The following IMMP2L variants were observed in gnomAD, a reference collection of about 807,000 sequenced individuals.
The protein encoded by IMMP2L is mitochondrial inner membrane protease subunit 2.
IMMP2L carries 18 observed loss-of-function variants against 19.3 expected under a neutral mutation model. The observed-to-expected ratio is 0.93, with a 90% confidence interval of 0.64 to 1.38. IMMP2L has a LOEUF of 1.38. Ranked by LOEUF, IMMP2L falls within the 40% of genes most tolerant of loss-of-function variation. IMMP2L has a pLI of 0.00. For synonymous variants in IMMP2L, 76 were observed against 73.0 expected, an observed-to-expected ratio of 1.04 and a Z score of -0.21; for missense variants, 233 against 218.2, an observed-to-expected ratio of 1.07 and a Z score of -0.43.
At chr7:110,772,983 T>C (rs1467962631) in intron 5 of IMMP2L, among the ~76,000 whole-genome samples, 1 of 152,018 alleles carries the variant, frequency 6.6e-6, no homozygotes, top group Non-Finnish European at 1.5e-5. Flanking sequence ...TTCAAATGTA[T>C]ACTACCCTTA....
At position 111,419,224 on chromosome 7, in the gene IMMP2L, A is replaced by T. The variant is rs554465712; in HGVS notation, c.239+68014T>A. Among the ~76,000 whole-genome samples the T allele has an allele frequency of 3.8e-4, 58 of 152,004 alleles. 3 individuals carry two copies. Among genetic ancestry groups the T allele is most frequent in the African/African-American group, 1.3e-3 (53 of 41,310 alleles). ...ACTAAAAAATTTTGAATTATTAATTAAAAATGGGAAGTTTTATTAAATACA... is the reference window on the plus strand; with the variant it reads ...ACTAAAAAATTTTGAATTATTAATTTAAAATGGGAAGTTTTATTAAATACA... On this transcript the variant is annotated intron_variant, in intron 3 of 5. Coordinates refer to ENST00000405709, the MANE Select transcript of IMMP2L (RefSeq NM_032549.4).
At chr7:111,358,699 A>C (rs1828966984) in intron 3 of IMMP2L, among the ~76,000 whole-genome samples, 2 of 152,162 alleles carry the variant, frequency 1.3e-5, no homozygotes, top group South Asian at 4.1e-4. Context: ...CACTAAAAGT[A>C]AAGTCTTCCC....
At chr7:110,882,579 C>T (rs1809797063) in intron 5 of IMMP2L, among the ~76,000 whole-genome samples, 1 of 151,976 alleles carries the variant, frequency 6.6e-6, no homozygotes, top group South Asian at 2.1e-4. Flanking sequence ...CAGGATTTCA[C>T]CATGTTGGTC....
At chr7:111,410,123 C>G (rs1183192744) in intron 3 of IMMP2L, among the ~76,000 whole-genome samples, 2 of 151,666 alleles carry the variant, frequency 1.3e-5, no homozygotes, top group African/African-American at 4.9e-5. Flanking sequence ...CTCCAAGCAG[C>G]CAAGTGAAAA....
chr7:111,462,344 G>T (rs1256330537), intron 3 of IMMP2L, among the ~76,000 whole-genome samples: 1 of 151,934 alleles, frequency 6.6e-6, no homozygotes, highest in Admixed American at 6.6e-5. Flanking sequence ...ACACAGCTTT[G>T]TGCCCAATGG....
At chr7:111,475,589 T>C (rs932170277) in intron 3 of IMMP2L, among the ~76,000 whole-genome samples, 2 of 152,062 alleles carry the variant, frequency 1.3e-5, no homozygotes, top group African/African-American at 2.4e-5. Context: ...TGTTTACCAG[T>C]GGGAAACACA....
At chr7:111,445,565 A>C (rs894790167) in intron 3 of IMMP2L, among the ~76,000 whole-genome samples, 6 of 152,182 alleles carry the variant, frequency 3.9e-5, no homozygotes, top group African/African-American at 1.4e-4. Flanking sequence ...ATTAGAATTC[A>C]AGCACGTTCT....
At chr7:111,524,099 T>C (rs1846608232) in intron 1 of IMMP2L, among the ~76,000 whole-genome samples, 1 of 152,108 alleles carries the variant, frequency 6.6e-6, no homozygotes, top group Non-Finnish European at 1.5e-5. Flanking sequence ...ACCTTCAAGA[T>C]GCAAAAGATG....
At chr7:111,161,188 G>C (rs947722522) in intron 3 of IMMP2L, among the ~76,000 whole-genome samples, 9 of 151,728 alleles carry the variant, frequency 5.9e-5, no homozygotes, top group Non-Finnish European at 1.3e-4. Flanking sequence ...TACTTTTCTA[G>C]AGAATGAGGG....
At chr7:110,751,883 T>C (rs767045296) in intron 5 of IMMP2L, among the ~76,000 whole-genome samples, 1 of 152,024 alleles carries the variant, frequency 6.6e-6, no homozygotes, top group Non-Finnish European at 1.5e-5. Flanking sequence ...TATAATCACA[T>C]GCATCCCAAA....
At chr7:111,166,463 CT>C (rs375886425) in intron 3 of IMMP2L, among the ~76,000 whole-genome samples, 20 of 152,092 alleles carry the variant, frequency 1.3e-4, no homozygotes, top group African/African-American at 4.8e-4. Flanking sequence ...AGCAAATATA[CT>C]TTAACAATCA....
chr7:111,503,115 A>G (rs1202910546), intron 2 of IMMP2L, among the ~76,000 whole-genome samples: 3 of 152,090 alleles, frequency 2.0e-5, no homozygotes, highest in Non-Finnish European at 2.9e-5. Flanking sequence ...TCAAATAGAC[A>G]CAATAAAAAA....
chr7:111,417,203 C>A (rs758760907), intron 3 of IMMP2L, among the ~76,000 whole-genome samples: 12 of 151,632 alleles, frequency 7.9e-5, no homozygotes, highest in Non-Finnish European at 1.2e-4. Context: ...CCTGCAGGTA[C>A]CCTAGCAATG....
At chr7:111,417,353 T>C (rs776007610) in intron 3 of IMMP2L, among the ~76,000 whole-genome samples, 3 of 151,884 alleles carry the variant, frequency 2.0e-5, no homozygotes, top group African/African-American at 7.3e-5. Flanking sequence ...CTGGGGATCA[T>C]GCAAAGGGTG....
At chr7:110,956,559 T>C (rs1818375108) in intron 4 of IMMP2L, among the ~76,000 whole-genome samples, 1 of 152,014 alleles carries the variant, frequency 6.6e-6, no homozygotes, top group Admixed American at 6.6e-5. Context: ...TCTGCTTGTT[T>C]TGGCAGTCCC....
chr7:111,188,146 A>C (rs1808476400), intron 3 of IMMP2L, among the ~76,000 whole-genome samples: 1 of 152,128 alleles, frequency 6.6e-6, no homozygotes, highest in Non-Finnish European at 1.5e-5. Flanking sequence ...GGCTTGTGAC[A>C]GTCTCTGTCA....
chr7:110,939,544 T>C (rs918556685), intron 4 of IMMP2L, among the ~76,000 whole-genome samples: 1 of 152,172 alleles, frequency 6.6e-6, no homozygotes, highest in Admixed American at 6.5e-5. Flanking sequence ...AAGTTAGTGT[T>C]GACAACAGCA....
chr7:110,911,397 GC>G (rs1486018002), intron 4 of IMMP2L, among the ~76,000 whole-genome samples: 1 of 152,036 alleles, frequency 6.6e-6, no homozygotes, highest in East Asian at 1.9e-4. Context: ...TAAATACTCA[GC>G]AAACTTTATT....
In IMMP2L at chr7:111,428,039, T is replaced by A. The variant is rs186473410; in HGVS notation, c.239+59199A>T. 3.8e-3 allele frequency among the ~76,000 whole-genome samples: 572 copies of A among 151,922 alleles called. 17 individuals are homozygous for A. Among genetic ancestry groups the A allele is most frequent in the African/African-American group, 0.013 (532 of 41,286 alleles). On this transcript the variant is annotated intron_variant, in intron 3 of 5. Transcript: ENST00000405709. ...TGATACGCTCCTGGTACAAGTGTAG[T>A]CTGTGTAGCAACACACTCATGCTGT...
Sources: allele counts gnomAD v4.1 joint callset (sites outside exome capture counted in the v4.1 genomes callset), GRCh38; gene constraint gnomAD v4.1.1; transcripts MANE v1.5; gene names NCBI Gene and HGNC (gene_info 2026-07-23, HGNC 2026-07-21).